Variants in GUCY2F observed in about 807,000 individuals in gnomAD.
GUCY2F encodes guanylate cyclase 2F, retinal, also known as retinal guanylyl cyclase 2.
Under a neutral mutation model 73.1 loss-of-function variants are expected in GUCY2F, and 61 were observed. The ratio of observed to expected loss-of-function variants is 0.83; its 90% CI spans 0.68 to 1.03. GUCY2F has a LOEUF of 1.03. Ranked by LOEUF, GUCY2F falls within the 50% of genes least tolerant of loss-of-function variation. The pLI, the probability that GUCY2F is intolerant of heterozygous loss-of-function variation, is 0.00. For synonymous variants in GUCY2F, 331 were observed against 307.8 expected, an observed-to-expected ratio of 1.08 and a Z score of -0.79; for missense variants, 912 against 854.3, an observed-to-expected ratio of 1.07 and a Z score of -0.84.
At chrX:109,446,725 C>T (rs1335662895) in intron 6 of GUCY2F, among the ~76,000 whole-genome samples, 2 of 112,003 alleles carry the variant, frequency 1.8e-5, no homozygotes, top group Admixed American at 1.9e-4. Context: ...GAAAGGACTT[C>T]ATGTCTAAAA....
chrX:109,453,471 C>T, intron 4 of GUCY2F, 34 bp downstream of exon 4: 5 of 967,111 alleles, frequency 5.2e-6, no homozygotes, highest in Non-Finnish European at 7.2e-6. Context: ...CCAAGCTGAG[C>T]CAAATTGACT....
chrX:109,404,411 C>T lies in GUCY2F; in HGVS notation c.2042G>A (p.Arg681His), dbSNP rs111862571. The T allele has an allele frequency of 3.0e-5, 35 of 1,180,841 alleles. No individual in the cohort carries two copies. Among genetic ancestry groups the T allele is most frequent in the African/African-American group, 2.3e-4 (13 of 56,779 alleles). ...LKSRNCVVDG[R>H]FVLKVTDYGF... ...ATAATCTGTCACTTTTAGTACAAAACGCCCATCTACCACACAGTTTCGAGA... is the reference window on the plus strand; with the variant it reads ...ATAATCTGTCACTTTTAGTACAAAATGCCCATCTACCACACAGTTTCGAGA... The change falls in exon 10 of 20, where the codon CGT (arginine) becomes CAT (histidine). Residue 681 changes from arginine (R) to histidine (H), a missense_variant. Physicochemically the swap from Arg to His is conservative, Grantham distance 29. Coordinates refer to ENST00000218006, the MANE Select transcript of GUCY2F (RefSeq NM_001522.3).
intron 2 of GUCY2F, 44 bp downstream of exon 2, chrX:109,475,159 CTCTT>C (rs760439073): frequency 1.7e-6 from 2 of 1,145,077 alleles, no homozygotes; most frequent in African/African-American, 3.6e-5. Context: ...AGATTGTAAT[CTCTT>C]TCCCTGAAGT....
chrX:109,392,794 C>T (rs1930598396), intron 13 of GUCY2F, 98 bp downstream of exon 13: 1 of 508,879 alleles, frequency 2.0e-6, no homozygotes, highest in Non-Finnish European at 3.3e-6. Context: ...CAAGGGGAGG[C>T]AGCAGTTAGT....
chrX:109,395,095 G>A (rs985520953), intron 12 of GUCY2F, among the ~76,000 whole-genome samples: 4 of 111,794 alleles, frequency 3.6e-5, no homozygotes, highest in African/African-American at 1.3e-4. Context: ...ATTGTGGATG[G>A]TCTGGAACAG....
At chrX:109,431,616 G>A (rs1232669229) in intron 7 of GUCY2F, among the ~76,000 whole-genome samples, 1 of 108,553 alleles carries the variant, frequency 9.2e-6, no homozygotes, top group Non-Finnish European at 1.9e-5. Flanking sequence ...GGAGAATGGC[G>A]TGAACCTGGG....
chrX:109,397,510 T>TAC (rs1930737522), intron 11 of GUCY2F, among the ~76,000 whole-genome samples: 1 of 112,441 alleles, frequency 8.9e-6, no homozygotes, highest in African/African-American at 3.2e-5. Flanking sequence ...CAATTGCCTG[T>TAC]ACACCTTCAC....
At chrX:109,430,271 T>G (rs1244738521) in intron 8 of GUCY2F, 36 bp downstream of exon 8, 1 of 712,450 alleles carries the variant, frequency 1.4e-6, no homozygotes, top group Admixed American at 2.3e-5. Context: ...CAGATTTATT[T>G]TAGTGGGAAT....
chrX:109,407,034 T>G (rs186959761), intron 9 of GUCY2F, among the ~76,000 whole-genome samples: 2 of 112,485 alleles, frequency 1.8e-5, no homozygotes, highest in East Asian at 5.6e-4. Context: ...ATTTTGGAAC[T>G]AGGTAACAGC....
chrX:109,386,681 C>T (rs920825530), intron 15 of GUCY2F, among the ~76,000 whole-genome samples: 2 of 111,414 alleles, frequency 1.8e-5, no homozygotes, highest in Admixed American at 9.5e-5. Context: ...GCACAAAGTA[C>T]TTAAAAGGAG....
intron 17 of GUCY2F, 100 bp from the exon 18 acceptor site, chrX:109,376,267 T>C (rs1256325480): frequency 1.6e-5 from 9 of 558,471 alleles, no homozygotes; most frequent in Non-Finnish European, 2.7e-5. Context: ...CACCACTCCC[T>C]GGAGTCTTCC....
chrX:109,418,218 A>T (rs1244051608), intron 8 of GUCY2F, among the ~76,000 whole-genome samples: 1 of 111,834 alleles, frequency 8.9e-6, no homozygotes, highest in Non-Finnish European at 1.9e-5. Context: ...AGAATTAGAA[A>T]ATAGGAAAAT....
intron 8 of GUCY2F, among the ~76,000 whole-genome samples, chrX:109,413,897 C>T (rs1345136365): frequency 3.6e-5 from 4 of 111,362 alleles, no homozygotes; most frequent in Non-Finnish European, 7.5e-5. Flanking sequence ...TAAGTGCTCA[C>T]CCGCAGCTAT....
chrX:109,431,757 G>T (rs1162349181), intron 7 of GUCY2F, among the ~76,000 whole-genome samples: 1 of 109,148 alleles, frequency 9.2e-6, no homozygotes, highest in Non-Finnish European at 1.9e-5. Flanking sequence ...TCCAGCTATG[G>T]CACTGCATCT....
intron 17 of GUCY2F, among the ~76,000 whole-genome samples, chrX:109,380,543 C>T (rs1930277352): frequency 9.0e-6 from 1 of 111,004 alleles, no homozygotes; most frequent in African/African-American, 3.3e-5. Context: ...TCTCTTCCCT[C>T]TTAATGTCTC....
In GUCY2F at chrX:109,475,757, A is replaced by G. The variant is rs1645394144; in HGVS notation, c.180T>C (p.Pro60=). 8.3e-7 allele frequency: 1 copy of G among 1,209,145 alleles called. No homozygotes were observed. Among genetic ancestry groups the G allele is most frequent in the Non-Finnish European group, 1.1e-6 (1 of 894,524 alleles). The change falls in exon 2 of 20, where the codon CCT becomes CCC. Residue 60 remains proline, a synonymous_variant. Coordinates refer to ENST00000218006, the MANE Select transcript of GUCY2F (RefSeq NM_001522.3). ...TLPYKIGVVG[P]WACDSLFSKA... is the part of the protein sequence containing the mutation. ...TTGAAAACAGCGAATCACAAGCCCA[A>G]GGGCCCACCACCCCTATCTTGTAGG...
Position 109,439,065 on chromosome X carries a change from T to C in GUCY2F, c.1701+2286A>G, listed in dbSNP as rs1412099867. On this transcript the variant is annotated intron_variant, in intron 7 of 19. Coordinates refer to ENST00000218006, the MANE Select transcript of GUCY2F (RefSeq NM_001522.3). ...CTTGCACTCTGAGAGCCTGCAAAGTTGGCACCGCGTGGATACTACCGAGAT... is the reference window on the plus strand; with the variant it reads ...CTTGCACTCTGAGAGCCTGCAAAGTCGGCACCGCGTGGATACTACCGAGAT... 7.1e-5 allele frequency among the ~76,000 whole-genome samples: 8 copies of C among 112,143 alleles called. No individual in the cohort carries two copies. In the East Asian group the frequency reaches 2.2e-3, roughly 31 times the overall value.
At chrX:109,467,632 T>TG (rs984840230) in intron 2 of GUCY2F, among the ~76,000 whole-genome samples, 3 of 112,261 alleles carry the variant, frequency 2.7e-5, no homozygotes, top group African/African-American at 9.7e-5. Context: ...CACCAGCTGC[T>TG]GGGTGTGTTA....
chrX:109,413,308 C>T (rs1349440942), intron 8 of GUCY2F, among the ~76,000 whole-genome samples: 1 of 112,109 alleles, frequency 8.9e-6, no homozygotes, highest in Non-Finnish European at 1.9e-5. Context: ...TATACTTTAC[C>T]TCTTCCATAA....
Sources: allele counts gnomAD v4.1 joint callset (sites outside exome capture counted in the v4.1 genomes callset), GRCh38; gene constraint gnomAD v4.1.1; transcripts MANE v1.5; gene names NCBI Gene and HGNC (gene_info 2026-07-23, HGNC 2026-07-21).